CACNA1G: variants seen among roughly 807,000 people sequenced by gnomAD.
CACNA1G encodes the protein voltage-dependent T-type calcium channel subunit alpha-1G.
Under a neutral mutation model 219.4 loss-of-function variants are expected in CACNA1G, and 67 were observed. The observed-to-expected ratio is 0.31, with a 90% CI of 0.25 to 0.37. The LOEUF (loss-of-function observed/expected upper bound fraction) is 0.37. Among genes scored for constraint, CACNA1G ranks in the 10% least tolerant of loss-of-function variants. CACNA1G has a pLI of 1.00. For synonymous variants in CACNA1G, 1,296 were observed against 1,345.3 expected (o/e 0.96, Z 0.80); for missense variants, 2,380 against 3,231.4 (o/e 0.74, Z 6.39).
At position 50,615,317 on chromosome 17, in the gene CACNA1G, G is replaced by A. The variant is rs766618147; in HGVS notation, c.4760-44G>A. ...GACTGGGGGTGGAGGGGTGCGGGGG[G>A]CAGGGGCCTGACGCTTGCTCTGCTC... On this transcript the variant is annotated intron_variant, in intron 26 of 37. Coordinates refer to ENST00000359106, the MANE Select transcript of CACNA1G (RefSeq NM_018896.5). 9 of 1,481,510 alleles carry A rather than the reference G, an allele frequency of 6.1e-6. No individual in the cohort carries two copies. In the East Asian group the frequency reaches 1.4e-4, roughly 24 times the overall value. The allele number at this position is 1,481,510 out of a possible 1,614,324, so 91.8% of individuals were successfully genotyped here. A position where few individuals can be genotyped will look rare whatever the true frequency, so the allele number is the denominator to read the frequency against.
chr17:50,603,189 C>T lies in CACNA1G; in HGVS notation c.4159C>T (p.Arg1387Cys). ...LRVLRLLRTL[R>C]PLRVISRAQG... ...GGTGCTGCGGCTGCTGCGGACCCTGCGCCCGCTCAGGTGACTCCCTCCCCA... is the reference window on the plus strand; with the variant it reads ...GGTGCTGCGGCTGCTGCGGACCCTGTGCCCGCTCAGGTGACTCCCTCCCCA... Residue 1387 changes from arginine to cysteine, a missense_variant, in exon 21 of 38, where the codon CGC becomes TGC. Arg to Cys is a radical substitution (Grantham distance 180). Around this residue, in one of 17 missense-constraint regions of CACNA1G, gnomAD observed 153 missense variants for 374.9 expected, o/e 0.41. Transcript: ENST00000359106. This position sits in a 1 kb window ranked among gnomAD's most constrained non-coding sequence, Gnocchi z 6.4. 1.2e-6 allele frequency: 2 copies of T among 1,603,682 alleles called. No homozygotes were observed. The highest frequency in any genetic ancestry group is 1.7e-6 in the Non-Finnish European group (2 of 1,179,462).
At chr17:50,564,779 A>G (rs1419342447) in intron 1 of CACNA1G, among the ~76,000 whole-genome samples, 2 of 151,978 alleles carry the variant, frequency 1.3e-5, no homozygotes, top group African/African-American at 4.8e-5. Flanking sequence ...CCCTCCTCCA[A>G]TTTAATTTCC....
At chr17:50,582,982 G>A (rs916351350) in intron 9 of CACNA1G, among the ~76,000 whole-genome samples, 2 of 152,122 alleles carry the variant, frequency 1.3e-5, no homozygotes, top group Non-Finnish European at 2.9e-5. Flanking sequence ...TGTTCAAGGC[G>A]AGAGAAGCTG....
chr17:50,561,930 C>T (rs1049500090), intron 1 of CACNA1G: 2 of 270,094 alleles, frequency 7.4e-6, no homozygotes, highest in Non-Finnish European at 1.2e-5. Flanking sequence ...ACACACACCT[C>T]AGTCTTCCTG....
Position 50,601,376 on chromosome 17 carries a change from A to G in CACNA1G, c.3915+202A>G, listed in dbSNP as rs114017142. On this transcript the variant is annotated intron_variant, in intron 19 of 37. Coordinates refer to ENST00000359106, the MANE Select transcript of CACNA1G (RefSeq NM_018896.5). ...CCTCTCCTGCCTCAGTTTCCCTTCT[A>G]TGATACATCAGCCCAGCTGGGTGCT... Among the ~76,000 whole-genome samples, 2,203 of 152,228 alleles carry G rather than the reference A, an allele frequency of 0.014. 63 individuals carry two copies. Among genetic ancestry groups the G allele is most frequent in the African/African-American group, 0.05 (2,093 of 41,536 alleles).
chr17:50,565,824 G>C (rs2037669366), intron 1 of CACNA1G, among the ~76,000 whole-genome samples: 1 of 152,182 alleles, frequency 6.6e-6, no homozygotes, highest in Non-Finnish European at 1.5e-5. Flanking sequence ...CTCTCTCCCA[G>C]GAGGGAGGAA....
At chr17:50,580,056 C>A (rs1297320811) in intron 9 of CACNA1G, among the ~76,000 whole-genome samples, 1 of 152,136 alleles carries the variant, frequency 6.6e-6, no homozygotes, top group Non-Finnish European at 1.5e-5. Flanking sequence ...CACACATTGG[C>A]GTCCCTTCCT....
rs2048287136 is a variant in CACNA1G at position 50,607,930 on chromosome 17, A to G, written c.4616A>G (p.Asn1539Ser). 6.2e-7 allele frequency: 1 copy of G among 1,614,000 alleles called. No individual in the cohort carries two copies. The highest frequency in any genetic ancestry group is 8.5e-7 in the Non-Finnish European group (1 of 1,179,892). The change falls in exon 25 of 38, where the codon AAC (asparagine) becomes AGC (serine). Residue 1539 changes from asparagine (N) to serine (S), a missense_variant. This residue lies in a region of CACNA1G where 153 missense variants were observed against 374.9 expected (regional missense o/e 0.41). Transcript: ENST00000359106. ...ATGTTTGTGGGTGTGGTGGTGGAGA[A>G]CTTCCACAAGTGTCGGCAGCACCAG... ...LNMFVGVVVE[N>S]FHKCRQHQEE...
rs976858955 is a variant in CACNA1G, at chr17:50,574,462, A to G, written c.1141-1081A>G. Among the ~76,000 whole-genome samples the G allele has an allele frequency of 2.0e-5, 3 of 152,190 alleles. No individual in the cohort carries two copies. The South Asian group carries it at 6.2e-4, about 31-fold the overall frequency. On this transcript the variant is annotated intron_variant, in intron 7 of 37. Coordinates refer to ENST00000359106, the MANE Select transcript of CACNA1G (RefSeq NM_018896.5). ...CTTCCCCTGGTGCAGAAGAGTGGGCAGGCTTGGGGCGAAGCCTGACTGGAG... is the reference window on the plus strand; with the variant it reads ...CTTCCCCTGGTGCAGAAGAGTGGGCGGGCTTGGGGCGAAGCCTGACTGGAG...
At chr17:50,612,384 T>C (rs1373676099) in intron 26 of CACNA1G, among the ~76,000 whole-genome samples, 1 of 152,196 alleles carries the variant, frequency 6.6e-6, no homozygotes, top group African/African-American at 2.4e-5. Flanking sequence ...CACCCCGGCT[T>C]CCCAGATGGA....
intron 11 of CACNA1G, 47 bp downstream of exon 11, chr17:50,591,667 G>C: frequency 6.2e-7 from 1 of 1,609,446 alleles, no homozygotes; most frequent in South Asian, 1.1e-5. Flanking sequence ...GGCCAGGCTG[G>C]GGGCAGGAGG....
At chr17:50,572,227 T>C (rs2039602293) in intron 5 of CACNA1G, among the ~76,000 whole-genome samples, 190 bp downstream of exon 5, 1 of 152,196 alleles carries the variant, frequency 6.6e-6, no homozygotes, top group Admixed American at 6.5e-5. Flanking sequence ...GGGTGCCACC[T>C]CCAGAGATTC....
Position 50,599,425 on chromosome 17 carries a change from C to A in CACNA1G, c.3259-3C>A, listed in dbSNP as rs1348308281. On this transcript the variant is annotated splice_polypyrimidine_tract_variant and splice_region_variant and intron_variant, in intron 16 of 37. Coordinates refer to ENST00000359106, the MANE Select transcript of CACNA1G (RefSeq NM_018896.5). ...AGACCACTCCTCCCCTGCTCACCCA[C>A]AGCCCAGCGCCCGCAGCTCTCCGCA... 6.5e-7 allele frequency: 1 copy of A among 1,536,982 alleles called. No homozygotes were observed. Among genetic ancestry groups the A allele is most frequent in the Admixed American group, 2.0e-5 (1 of 50,614 alleles).
intron 1 of CACNA1G, among the ~76,000 whole-genome samples, chr17:50,566,416 G>T (rs1300141698): frequency 2.0e-5 from 3 of 152,178 alleles, no homozygotes; most frequent in African/African-American, 7.2e-5. Flanking sequence ...AGCTGTACAG[G>T]GTGGGCAGGA....
In CACNA1G at chr17:50,619,787, C is replaced by T; in HGVS notation, c.5886C>T (p.Ala1962=). The T allele has an allele frequency of 1.9e-6, 3 of 1,607,096 alleles. No individual in the cohort carries two copies. The highest frequency in any genetic ancestry group is 2.5e-6 in the Non-Finnish European group (3 of 1,178,338). The change falls in exon 34 of 38, where the codon GCC becomes GCT. Residue 1962 remains alanine (A), a synonymous_variant. Coordinates refer to ENST00000359106, the MANE Select transcript of CACNA1G (RefSeq NM_018896.5). The part of the protein sequence containing the change: ...ELAGPGGQPS[A]FPSAPSLGGS... ...CAGGCCCAGGGGGCCAGCCCTCTGC[C>T]TTCCCTTCTGCCCCCAGCCTGGGAG...
rs1166317947 is a variant in CACNA1G, at chr17:50,618,929, C to A, written c.5702C>A (p.Pro1901His). 1 of 1,603,210 alleles carries A rather than the reference C, an allele frequency of 6.2e-7. No individual in the cohort carries two copies. Among genetic ancestry groups the A allele is most frequent in the East Asian group, 2.2e-5 (1 of 44,686 alleles). ...CCTGGGGTCGAGGGCCCCGACAGCCCCGACAGCCCCAAGCCTGGGGCTCTG... is the reference window on the plus strand; with the variant it reads ...CCTGGGGTCGAGGGCCCCGACAGCCACGACAGCCCCAAGCCTGGGGCTCTG... ...LWPGVEGPDS[P>H]DSPKPGALHP... The change falls in exon 33 of 38, where the codon CCC becomes CAC. Residue 1901 changes from proline to histidine, a missense_variant. Pro to His is a moderately conservative substitution (Grantham distance 77). Transcript: ENST00000359106. The surrounding 1 kb of genome is among the most constrained non-coding windows in gnomAD (Gnocchi z 5.3).
chr17:50,591,573 C>T lies in CACNA1G; in HGVS notation c.2592C>T (p.Asn864=), dbSNP rs58513165. Reference sequence around the variant, plus strand: ...TGGTGCTCATGAAGACCATGGACAACGTGGCCACCTTCTGCATGCTGCTTA... The same window carrying T: ...TGGTGCTCATGAAGACCATGGACAATGTGGCCACCTTCTGCATGCTGCTTA... ...QLVVLMKTMD[N]VATFCMLLML... Residue 864 remains asparagine, a synonymous_variant, in exon 11 of 38, where the codon AAC becomes AAT. Coordinates refer to ENST00000359106, the MANE Select transcript of CACNA1G (RefSeq NM_018896.5). 1,144 of 1,613,246 alleles carry T rather than the reference C, an allele frequency of 7.1e-4. 5 individuals are homozygous for T. The highest frequency in any genetic ancestry group is 3.2e-4 in the Non-Finnish European group (381 of 1,179,674).
chr17:50,579,715 G>C (rs2041516932), intron 9 of CACNA1G, among the ~76,000 whole-genome samples: 1 of 152,178 alleles, frequency 6.6e-6, no homozygotes, highest in Non-Finnish European at 1.5e-5. Flanking sequence ...CGAAGGCCAT[G>C]CACCTCCCCA....
chr17:50,578,611 T>A lies in CACNA1G; in HGVS notation c.2301+47T>A. 1 of 1,508,122 alleles carries A rather than the reference T, an allele frequency of 6.6e-7. No homozygotes were observed. The highest frequency in any genetic ancestry group is 8.9e-7 in the Non-Finnish European group (1 of 1,127,340). The allele number at this position is 1,508,122 out of a possible 1,614,324, so 93.4% of individuals were successfully genotyped here. On this transcript the variant is annotated intron_variant, in intron 9 of 37. Transcript: ENST00000359106. The surrounding 1 kb of genome is among the most constrained non-coding windows in gnomAD (Gnocchi z 4.5). ...GGGCTCCTGCCAGCTGCTTTTCGCC[T>A]GGGGCTGGGGCCTTCTACCTCCCTC...
Sources: allele counts gnomAD v4.1 joint callset (sites outside exome capture counted in the v4.1 genomes callset), GRCh38; gene constraint gnomAD v4.1.1; regional missense constraint gnomAD v4.1.1; non-coding constraint Gnocchi (gnomAD v3.1); transcripts MANE v1.5; gene names NCBI Gene and HGNC (gene_info 2026-07-23, HGNC 2026-07-21).